GAB4: variants seen among roughly 807,000 people sequenced by gnomAD.
The protein encoded by GAB4 is GRB2-associated-binding protein 4.
In GAB4, 26 loss-of-function variants were observed where a neutral mutation model predicts 51.3. The observed-to-expected ratio is 0.51, with a 90% CI of 0.37 to 0.70. The LOEUF is 0.70. Ranked by LOEUF, GAB4 falls within the 30% of genes least tolerant of loss-of-function variation. GAB4 has a pLI of 0.00. For missense variants in GAB4, 759 were observed against 734.6 expected (o/e 1.03, Z -0.38); for synonymous variants, 329 against 291.2 (o/e 1.13, Z -1.32).
At chr22:16,978,572 G>C (rs1400530494) in intron 3 of GAB4, among the ~76,000 whole-genome samples, 1 of 152,184 alleles carries the variant, frequency 6.6e-6, no homozygotes, top group African/African-American at 2.4e-5. Context: ...CCCAGGACCA[G>C]ATGGATTCAC....
At chr22:17,001,691 A>T (rs191986972) in intron 1 of GAB4, among the ~76,000 whole-genome samples, 1 of 152,272 alleles carries the variant, frequency 6.6e-6, no homozygotes, top group African/African-American at 2.4e-5. Flanking sequence ...GCTGTAGATG[A>T]GCTGCTTTCC....
chr22:16,987,071 T>G (rs1317700992), intron 3 of GAB4, among the ~76,000 whole-genome samples: 1 of 152,250 alleles, frequency 6.6e-6, no homozygotes, highest in Non-Finnish European at 1.5e-5. Context: ...TATGTTTGAC[T>G]GGTTCAAGTG....
chr22:16,966,429 T>TCTA, intron 5 of GAB4, 65 bp from the exon 6 acceptor site: 1 of 1,510,914 alleles, frequency 6.6e-7, no homozygotes, highest in Non-Finnish European at 9.0e-7. Context: ...AATGAGAATT[T>TCTA]CTAGACAAGG....
intron 3 of GAB4, among the ~76,000 whole-genome samples, chr22:16,978,043 G>C (rs1467254040): frequency 6.9e-6 from 1 of 144,560 alleles, no homozygotes; most frequent in Non-Finnish European, 1.5e-5. Flanking sequence ...TGTTCAGAGG[G>C]AAATTTACAG....
chr22:17,005,629 T>C (rs1170327372), intron 1 of GAB4, among the ~76,000 whole-genome samples: 1 of 151,642 alleles, frequency 6.6e-6, no homozygotes, highest in Non-Finnish European at 1.5e-5. Context: ...AACCAAAACA[T>C]GTTACTGGTA....
intron 3 of GAB4, 46 bp downstream of exon 3, chr22:16,987,914 G>C: frequency 1.4e-6 from 2 of 1,431,948 alleles, no homozygotes; most frequent in Non-Finnish European, 1.9e-6. Flanking sequence ...AATAGAACAA[G>C]ACCTTGTGGG....
intron 1 of GAB4, among the ~76,000 whole-genome samples, chr22:16,994,049 C>T (rs2060933060): frequency 6.6e-6 from 1 of 152,118 alleles, no homozygotes; most frequent in Admixed American, 6.5e-5. Flanking sequence ...ACACAAATTT[C>T]TCCCATCTTA....
At chr22:16,967,566 A>G (rs138709883) in intron 5 of GAB4, 14 of 152,544 alleles carry the variant, frequency 9.2e-5, no homozygotes, top group African/African-American at 3.4e-4. Context: ...CAGACAAGGT[A>G]TCAGGGAGGT....
intron 3 of GAB4, among the ~76,000 whole-genome samples, chr22:16,971,190 C>A (rs144071865): frequency 1.8e-4 from 28 of 152,220 alleles, no homozygotes; most frequent in African/African-American, 5.8e-4. Flanking sequence ...CCAGACCCTA[C>A]CTCGGAAAAA....
In GAB4 at chr22:16,963,437, C is replaced by T. The variant is rs1429709240; in HGVS notation, c.1581+288G>A. 3.9e-5 allele frequency among the ~76,000 whole-genome samples: 6 copies of T among 152,162 alleles called. No homozygotes were observed. The East Asian group carries it at 9.6e-4, about 24-fold the overall frequency. ...AGAGTTTGGCCTGGAGCCAGGTTGC[C>T]GGTCCTGGGTCTCTCCTGATTTATT... is the stretch of plus-strand genomic sequence containing the variant. On this transcript the variant is annotated intron_variant, in intron 9 of 9. Coordinates refer to ENST00000400588, the MANE Select transcript of GAB4 (RefSeq NM_001037814.1).
intron 1 of GAB4, among the ~76,000 whole-genome samples, chr22:17,001,844 A>C (rs1399099869): frequency 6.6e-6 from 1 of 151,984 alleles, no homozygotes; most frequent in Admixed American, 6.6e-5. Context: ...TTGTTTACCT[A>C]CTCAAGCCTC....
chr22:17,007,601 C>T (rs1158804399), intron 1 of GAB4, among the ~76,000 whole-genome samples: 5 of 148,838 alleles, frequency 3.4e-5, no homozygotes, highest in Non-Finnish European at 6.0e-5. Flanking sequence ...ATTCTCAGGG[C>T]CTGGGAGGGA....
chr22:16,994,476 G>GTA (rs1408448210), intron 1 of GAB4, among the ~76,000 whole-genome samples: 1 of 152,232 alleles, frequency 6.6e-6, no homozygotes, highest in Non-Finnish European at 1.5e-5. Flanking sequence ...CAGGTGTTAT[G>GTA]TATATACATG....
chr22:16,997,279 A>G (rs563206676), intron 1 of GAB4, among the ~76,000 whole-genome samples: 1 of 152,166 alleles, frequency 6.6e-6, no homozygotes, highest in South Asian at 2.1e-4. Context: ...AAGCCTTCCT[A>G]TTTCTCCACA....
intron 2 of GAB4, among the ~76,000 whole-genome samples, chr22:16,991,193 A>T (rs2060910695): frequency 6.6e-6 from 1 of 151,898 alleles, no homozygotes; most frequent in South Asian, 2.1e-4. Flanking sequence ...CACCCAAGAG[A>T]TTCCTGGGTA....
chr22:16,975,416 C>A (rs182381261), intron 3 of GAB4, among the ~76,000 whole-genome samples: 1 of 152,178 alleles, frequency 6.6e-6, no homozygotes, highest in African/African-American at 2.4e-5. Flanking sequence ...GGGCAAAGCC[C>A]ACCACAGCTC....
chr22:16,969,639 G>C, intron 4 of GAB4: 2 of 640,050 alleles, frequency 3.1e-6, no homozygotes, highest in Non-Finnish European at 2.8e-6. Flanking sequence ...GTTGTCTACT[G>C]CAGGAAGGGT....
intron 3 of GAB4, among the ~76,000 whole-genome samples, chr22:16,985,670 C>T (rs945684376): frequency 1.3e-5 from 2 of 152,202 alleles, no homozygotes; most frequent in African/African-American, 4.8e-5. Flanking sequence ...TGAGATATTG[C>T]TAATTGTCCT....
At chr22:16,983,718 T>C (rs918897094) in intron 3 of GAB4, among the ~76,000 whole-genome samples, 4 of 152,186 alleles carry the variant, frequency 2.6e-5, no homozygotes, top group Admixed American at 1.3e-4. Flanking sequence ...GTCTCTTCAA[T>C]AAATGGTGCT....
Sources: allele counts gnomAD v4.1 joint callset (sites outside exome capture counted in the v4.1 genomes callset), GRCh38; gene constraint gnomAD v4.1.1; transcripts MANE v1.5; gene names NCBI Gene and HGNC (gene_info 2026-07-23, HGNC 2026-07-21).